LINGO2: variants seen among roughly 807,000 people sequenced by gnomAD.
The protein encoded by LINGO2 is leucine-rich repeat and immunoglobulin-like domain-containing nogo receptor-interacting protein 2.
Under a neutral mutation model 30.6 loss-of-function variants are expected in LINGO2, and 14 were observed. The ratio of observed to expected loss-of-function variants is 0.46; its 90% CI spans 0.30 to 0.72. The LOEUF (loss-of-function observed/expected upper bound fraction) is 0.72, where lower values mean the gene tolerates loss of function less well. Among genes scored for constraint, LINGO2 ranks in the 30% least tolerant of loss-of-function variants. The pLI is 0.07. For synonymous variants in LINGO2, 317 were observed against 288.5 expected, an observed-to-expected ratio of 1.10 and a Z score of -1.00; for missense variants, 729 against 751.7, an observed-to-expected ratio of 0.97 and a Z score of 0.35.
At chr9:28,368,535 T>C (rs576014633) in intron 3 of LINGO2, among the ~76,000 whole-genome samples, 10 of 152,162 alleles carry the variant, frequency 6.6e-5, no homozygotes, top group Middle Eastern at 3.4e-3. Context: ...ATTTTTTGTA[T>C]ACTTTAATTA....
the LINGO2 span, among the ~76,000 whole-genome samples, chr9:28,806,791 G>A: frequency 6.6e-6 from 1 of 151,916 alleles, no homozygotes; most frequent in Non-Finnish European, 1.5e-5. Context: ...GGAGCAGCAG[G>A]ACCCAGTATT....
chr9:29,172,525 G>C, the LINGO2 span, among the ~76,000 whole-genome samples: 27 of 151,928 alleles, frequency 1.8e-4, no homozygotes, highest in South Asian at 5.4e-3. Context: ...GAAATGATTA[G>C]GTTTTAAATT....
chr9:27,949,478 G>A (rs778843125), exon 6 of LINGO2: 11 of 1,613,992 alleles, frequency 6.8e-6, no homozygotes. Context: ...AAAGGGCAGT[G>A]CTATGGAAAT....
intron 3 of LINGO2, among the ~76,000 whole-genome samples, chr9:28,362,374 T>C (rs1248982214): frequency 6.6e-6 from 1 of 151,948 alleles, no homozygotes; most frequent in African/African-American, 2.4e-5. Flanking sequence ...AATAAAATTA[T>C]ACAATTATAG....
At chr9:28,300,346 T>C (rs1294031667) in intron 3 of LINGO2, among the ~76,000 whole-genome samples, 1 of 152,160 alleles carries the variant, frequency 6.6e-6, no homozygotes, top group Non-Finnish European at 1.5e-5. Context: ...GCCCTTCAAG[T>C]GACATAAAGC....
intron 1 of LINGO2, among the ~76,000 whole-genome samples, chr9:28,560,608 T>C (rs1046218446): frequency 1.3e-5 from 2 of 152,056 alleles, no homozygotes; most frequent in East Asian, 1.9e-4. Context: ...GGTGTGATTA[T>C]ATATATATTT....
At chr9:28,713,509 A>T in the LINGO2 span, among the ~76,000 whole-genome samples, 2 of 152,150 alleles carry the variant, frequency 1.3e-5, no homozygotes, top group Non-Finnish European at 2.9e-5. Context: ...AACTTGGATC[A>T]TAAAATGCTC....
chr9:28,626,604 T>C (rs1362420401), intron 1 of LINGO2, among the ~76,000 whole-genome samples: 1 of 152,090 alleles, frequency 6.6e-6, no homozygotes, highest in Non-Finnish European at 1.5e-5. Flanking sequence ...ACTTTCCTTC[T>C]TAATGAAACA....
chr9:28,230,078 A>T (rs1173229775), intron 4 of LINGO2, among the ~76,000 whole-genome samples: 1 of 151,884 alleles, frequency 6.6e-6, no homozygotes, highest in East Asian at 1.9e-4. Context: ...GATGTGAGAA[A>T]AATTAAAATA....
intron 3 of LINGO2, among the ~76,000 whole-genome samples, chr9:28,365,169 G>A (rs1190976823): frequency 6.6e-6 from 1 of 152,170 alleles, no homozygotes. Flanking sequence ...TAGTCAGTGT[G>A]CTGCAGAGAG....
At chr9:28,484,152 A>T (rs1769427481) in intron 1 of LINGO2, among the ~76,000 whole-genome samples, 1 of 151,574 alleles carries the variant, frequency 6.6e-6, no homozygotes, top group Non-Finnish European at 1.5e-5. Context: ...ACTATCATCC[A>T]TTGGGAATAG....
the LINGO2 span, among the ~76,000 whole-genome samples, chr9:29,121,687 C>T: frequency 3.9e-5 from 6 of 152,108 alleles, no homozygotes; most frequent in African/African-American, 1.4e-4. Flanking sequence ...ATATGATCAA[C>T]AACAAAAGGA....
intron 5 of LINGO2, among the ~76,000 whole-genome samples, chr9:27,961,009 A>G (rs914895862): frequency 1.3e-5 from 2 of 152,150 alleles, no homozygotes; most frequent in Admixed American, 6.6e-5. Flanking sequence ...CAACTTTACA[A>G]TGGTGTGAAA....
At chr9:28,038,431 C>T (rs1249293623) in intron 4 of LINGO2, among the ~76,000 whole-genome samples, 4 of 152,230 alleles carry the variant, frequency 2.6e-5, no homozygotes, top group African/African-American at 7.2e-5. Context: ...CGGTGGCTCA[C>T]GCCTGTAATC....
the LINGO2 span, among the ~76,000 whole-genome samples, chr9:28,831,187 T>A: frequency 2.6e-5 from 4 of 152,254 alleles, no homozygotes; most frequent in African/African-American, 9.6e-5. Context: ...AATATGTGTT[T>A]GATACATTCC....
chr9:28,041,675 C>A (rs1043241539), intron 4 of LINGO2, among the ~76,000 whole-genome samples: 1 of 152,126 alleles, frequency 6.6e-6, no homozygotes, highest in South Asian at 2.1e-4. Context: ...TTGATCTAAT[C>A]AAATCACTTT....
chr9:28,697,441 T>G, the LINGO2 span, among the ~76,000 whole-genome samples: 1 of 152,018 alleles, frequency 6.6e-6, no homozygotes, highest in Non-Finnish European at 1.5e-5. Context: ...ATAAAAATTG[T>G]TTTACCTAGT....
the LINGO2 span, among the ~76,000 whole-genome samples, chr9:28,854,514 A>G: frequency 1.3e-5 from 2 of 152,004 alleles, no homozygotes; most frequent in Non-Finnish European, 2.9e-5. Context: ...TGATTGATAA[A>G]TGGAATCTCC....
chr9:28,672,507 T>C (rs755014977), upstream of LINGO2, among the ~76,000 whole-genome samples: 2 of 152,190 alleles, frequency 1.3e-5, no homozygotes, highest in Non-Finnish European at 2.9e-5. Flanking sequence ...TTTGCCACCA[T>C]TGGCTTACAT....
Sources: gnomAD v4.1 joint callset for allele counts (sites outside exome capture counted in the v4.1 genomes callset) on GRCh38, gnomAD v4.1.1 for gene constraint, MANE v1.5 for transcripts, NCBI Gene and HGNC (gene_info 2026-07-23, HGNC 2026-07-21) for gene names.